LRRTM3: variants seen among roughly 807,000 people sequenced by gnomAD.
LRRTM3 encodes leucine rich repeat transmembrane neuronal 3, also known as leucine-rich repeat transmembrane neuronal protein 3.
In LRRTM3, 24 loss-of-function variants were observed where a neutral mutation model predicts 44.7. The ratio of observed to expected loss-of-function variants is 0.54; its 90% CI spans 0.39 to 0.76. The LOEUF (loss-of-function observed/expected upper bound fraction) is 0.76, where lower values mean the gene tolerates loss of function less well. Among genes scored for constraint, LRRTM3 ranks in the 30% least tolerant of loss-of-function variants. The pLI, the probability that LRRTM3 is intolerant of heterozygous loss-of-function variation, is 0.00. For synonymous variants in LRRTM3, 277 were observed against 278.7 expected (o/e 0.99, Z 0.06); for missense variants, 587 against 702.2 (o/e 0.84, Z 1.85).
At chr10:66,931,765 T>A (rs1847407629) in intron 2 of LRRTM3, among the ~76,000 whole-genome samples, 1 of 152,254 alleles carries the variant, frequency 6.6e-6, no homozygotes, top group Middle Eastern at 3.4e-3. Flanking sequence ...ACAGAGGCCA[T>A]AGAATTGGTA....
At chr10:67,035,737 A>AAAT (rs1318954021) in intron 2 of LRRTM3, among the ~76,000 whole-genome samples, 1 of 152,182 alleles carries the variant, frequency 6.6e-6, no homozygotes, top group Non-Finnish European at 1.5e-5. Flanking sequence ...TACATCACAG[A>AAAT]AATGCTTTCA....
intron 2 of LRRTM3, among the ~76,000 whole-genome samples, chr10:67,079,534 T>C (rs1481229504): frequency 1.3e-5 from 2 of 152,058 alleles, no homozygotes; most frequent in Non-Finnish European, 2.9e-5. Context: ...TGTGTTATAA[T>C]TAGGAAGATA....
At chr10:66,973,620 C>G (rs1233958109) in intron 2 of LRRTM3, among the ~76,000 whole-genome samples, 1 of 152,024 alleles carries the variant, frequency 6.6e-6, no homozygotes. Context: ...TTTTGTTAGA[C>G]TATTAAATTA....
At chr10:67,062,273 T>C (rs1430129146) in intron 2 of LRRTM3, among the ~76,000 whole-genome samples, 2 of 152,204 alleles carry the variant, frequency 1.3e-5, no homozygotes, top group African/African-American at 4.8e-5. Flanking sequence ...TTCTTTATTG[T>C]AACTTATAGC....
chr10:67,003,904 G>T (rs1481763756), intron 2 of LRRTM3, among the ~76,000 whole-genome samples: 1 of 152,266 alleles, frequency 6.6e-6, no homozygotes, highest in East Asian at 1.9e-4. Flanking sequence ...AATAAACTGT[G>T]AGACTATACC....
At chr10:67,044,307 G>A (rs1381472132) in intron 2 of LRRTM3, among the ~76,000 whole-genome samples, 1 of 152,090 alleles carries the variant, frequency 6.6e-6, no homozygotes, top group Non-Finnish European at 1.5e-5. Context: ...AATTTAACGA[G>A]GGGGAAGGGG....
intron 2 of LRRTM3, among the ~76,000 whole-genome samples, chr10:67,063,091 C>T (rs1461493292): frequency 6.6e-6 from 1 of 152,146 alleles, no homozygotes; most frequent in East Asian, 1.9e-4. Context: ...CCTAACCAAA[C>T]CCTGACCGAT....
intron 2 of LRRTM3, among the ~76,000 whole-genome samples, chr10:66,971,191 A>C (rs1589519478): frequency 6.6e-6 from 1 of 152,014 alleles, no homozygotes; most frequent in Non-Finnish European, 1.5e-5. Context: ...ACTTTGGGAG[A>C]CCGAGGCAGG....
At chr10:67,073,673 C>T (rs1373758334) in intron 2 of LRRTM3, among the ~76,000 whole-genome samples, 1 of 151,442 alleles carries the variant, frequency 6.6e-6, no homozygotes, top group Non-Finnish European at 1.5e-5. Flanking sequence ...AAGAAGTTAT[C>T]TAGTGAGGTG....
intron 2 of LRRTM3, among the ~76,000 whole-genome samples, chr10:67,020,307 TC>T (rs1365084523): frequency 2.0e-5 from 3 of 152,196 alleles, no homozygotes; most frequent in Non-Finnish European, 4.4e-5. Flanking sequence ...ATATACAGCC[TC>T]ATGTTAAATT....
chr10:66,997,346 A>T (rs971518319), intron 2 of LRRTM3, among the ~76,000 whole-genome samples: 4 of 152,196 alleles, frequency 2.6e-5, no homozygotes, highest in African/African-American at 9.6e-5. Context: ...AATGACCACA[A>T]ATTCTTTCTT....
Position 67,010,661 on chromosome 10 carries a change from C to T in LRRTM3, c.1536+82209C>T, listed in dbSNP as rs192353337. Among the ~76,000 whole-genome samples, 88 of 152,272 alleles carry T rather than the reference C, an allele frequency of 5.8e-4. 1 individual carries two copies. The highest frequency in any genetic ancestry group is 2.1e-3 in the African/African-American group (86 of 41,556). ...CAAGTTTCTGCTCACATATCAGTAG[C>T]TGCTAGGAATTTTCCAATGCTTTTG... On this transcript the variant is annotated intron_variant, in intron 2 of 2. Transcript: ENST00000361320.
intron 2 of LRRTM3, chr10:67,015,555 G>A (rs1321228521): frequency 6.6e-6 from 1 of 152,026 alleles, no homozygotes; most frequent in Admixed American, 6.6e-5. Flanking sequence ...CATGTAGCTG[G>A]TATCTTTTCC....
chr10:67,031,389 G>C (rs540217034), intron 2 of LRRTM3, among the ~76,000 whole-genome samples: 1 of 152,096 alleles, frequency 6.6e-6, no homozygotes, highest in Non-Finnish European at 1.5e-5. Flanking sequence ...ATCATTCTTC[G>C]TCTTCACTTC....
intron 2 of LRRTM3, among the ~76,000 whole-genome samples, chr10:67,074,342 CTTTTTTTTTTTTTTTT>C (rs36186252): frequency 1.5e-5 from 1 of 68,726 alleles, no homozygotes; most frequent in African/African-American, 6.9e-5. Flanking sequence ...CACTTTAACT[CTTTTTTTTTTTTTTTT>C]TTTTTTTTTT....
chr10:66,969,771 G>A (rs1849620094), intron 2 of LRRTM3, among the ~76,000 whole-genome samples: 2 of 151,972 alleles, frequency 1.3e-5, no homozygotes, highest in African/African-American at 2.4e-5. Flanking sequence ...TACTTCTTTT[G>A]TGTGAGCTGC....
intron 2 of LRRTM3, chr10:67,012,321 C>T (rs1439530056): frequency 6.6e-6 from 1 of 152,182 alleles, no homozygotes; most frequent in African/African-American, 2.4e-5. Flanking sequence ...GCCACCACCT[C>T]GGTGCCAGAT....
chr10:67,070,721 T>C (rs1274623187), intron 2 of LRRTM3, among the ~76,000 whole-genome samples: 2 of 150,618 alleles, frequency 1.3e-5, no homozygotes, highest in Non-Finnish European at 3.0e-5. Context: ...CACTCCAGCC[T>C]GGCAACAGAG....
intron 2 of LRRTM3, among the ~76,000 whole-genome samples, chr10:67,065,384 A>G (rs1856013366): frequency 6.6e-6 from 1 of 152,216 alleles, no homozygotes; most frequent in Admixed American, 6.5e-5. Context: ...TAATAAAGGT[A>G]TAAGGGCATT....
Sources: allele counts gnomAD v4.1 joint callset (sites outside exome capture counted in the v4.1 genomes callset), GRCh38; gene constraint gnomAD v4.1.1; transcripts MANE v1.5; gene names NCBI Gene and HGNC (gene_info 2026-07-23, HGNC 2026-07-21).